BCORL1: variants seen among roughly 807,000 people sequenced by gnomAD.
BCORL1 encodes the protein BCL6 corepressor like 1.
BCORL1 carries 7 observed loss-of-function variants against 87.6 expected under a neutral mutation model. That is an observed-to-expected ratio of 0.08 (90% CI 0.05 to 0.15). BCORL1 has a LOEUF of 0.15. Among genes scored for constraint, BCORL1 ranks in the 10% least tolerant of loss-of-function variants. The pLI is 1.00. For synonymous variants in BCORL1, 591 were observed against 634.4 expected (o/e 0.93, Z 1.03); for missense variants, 1,215 against 1,499.7 (o/e 0.81, Z 3.13).
chrX:130,033,702 G>T (rs1318366090), intron 8 of BCORL1, among the ~76,000 whole-genome samples: 4 of 112,130 alleles, frequency 3.6e-5, no homozygotes, highest in African/African-American at 6.5e-5. Context: ...AAGATAGCCG[G>T]CCGGGCATGG....
intron 1 of BCORL1, among the ~76,000 whole-genome samples, chrX:129,990,295 T>G (rs757079106): frequency 1.9e-4 from 21 of 110,683 alleles, no homozygotes; most frequent in Non-Finnish European, 2.8e-4. Context: ...GCAGTGGCGC[T>G]ATCTCGGCTC....
intron 2 of BCORL1, among the ~76,000 whole-genome samples, chrX:130,012,137 A>G (rs1488965213): frequency 8.9e-6 from 1 of 112,012 alleles, no homozygotes; most frequent in African/African-American, 3.2e-5. Flanking sequence ...AGCTGCCCTT[A>G]GAGACTTAAA....
At chrX:130,050,174 G>A (rs943747289) in intron 11 of BCORL1, among the ~76,000 whole-genome samples, 9 of 111,163 alleles carry the variant, frequency 8.1e-5, no homozygotes, top group Non-Finnish European at 1.7e-4. Context: ...GCTTATGCCT[G>A]TAATCCCAGC....
Position 130,016,064 on chromosome X carries a change from G to A in BCORL1, c.3292G>A (p.Val1098Ile). 2 of 1,211,724 alleles carry A rather than the reference G, an allele frequency of 1.7e-6. No individual in the cohort carries two copies. Among genetic ancestry groups the A allele is most frequent in the Middle Eastern group, 2.3e-4 (1 of 4,354 alleles). Residue 1098 changes from valine to isoleucine, a missense_variant, in exon 4 of 14, where the codon GTC becomes ATC. Around this residue, in one of 5 missense-constraint regions of BCORL1, gnomAD observed 861 missense variants for 1,010.0 expected, o/e 0.85. Transcript: ENST00000540052. The stretch of plus-strand genomic sequence containing the variant: ...TCGAGTGAAACAGGAAAGCGTAGGG[G>A]TCTTTGCTTGCAAGAACAAGTGGCA... ...QARVKQESVG[V>I]FACKNKWQPD...
At chrX:130,010,032 T>C (rs1156911827) in intron 2 of BCORL1, among the ~76,000 whole-genome samples, 1 of 112,049 alleles carries the variant, frequency 8.9e-6, no homozygotes, top group Non-Finnish European at 1.9e-5. Flanking sequence ...CCTTCGGGGC[T>C]GGACTCAGGT....
intron 4 of BCORL1, 53 bp downstream of exon 4, chrX:130,016,266 C>T: frequency 1.2e-5 from 14 of 1,133,973 alleles, no homozygotes; most frequent in East Asian, 3.3e-5. Flanking sequence ...TGGTCTACTT[C>T]GTGCCATGGA....
Position 130,039,811 on chromosome X carries a change from C to T in BCORL1, c.4840+529C>T, listed in dbSNP as rs773962842. 9.7e-5 allele frequency among the ~76,000 whole-genome samples: 11 copies of T among 113,201 alleles called. No individual in the cohort carries two copies. In the South Asian group the frequency reaches 3.9e-3, roughly 40 times the overall value. ...CCTCTGCATCCCAGGGTCCCCCTTC[C>T]TTCCGTTCCTTTTCCTCCCTCACCT... is the stretch of plus-strand genomic sequence containing the variant. On this transcript the variant is annotated intron_variant, in intron 11 of 13. Coordinates refer to ENST00000540052, the MANE Select transcript of BCORL1 (RefSeq NM_001379451.1).
chrX:130,002,129 C>T (rs770638179), intron 1 of BCORL1, among the ~76,000 whole-genome samples: 2 of 109,124 alleles, frequency 1.8e-5, no homozygotes, highest in South Asian at 8.0e-4. Flanking sequence ...ACGGTAGTGC[C>T]GTTAAGTAAG....
rs1022717429 is a variant in BCORL1, at chrX:130,034,750, C to T, written c.4527+74C>T. The T allele has an allele frequency of 4.3e-5, 33 of 776,215 alleles. No homozygotes were observed. In the African/African-American group the frequency reaches 6.3e-4, roughly 15 times the overall value. 64.0% of individuals were successfully genotyped at this position (776,215 alleles called of 1,213,427 possible). On this transcript the variant is annotated intron_variant, in intron 9 of 13. Coordinates refer to ENST00000540052, the MANE Select transcript of BCORL1 (RefSeq NM_001379451.1). ...ATGAAGAAGCTTTTCTCCATGGGCTCTTCTGGTGCTTGAACCCAGGCTGGC... is the reference window on the plus strand; with the variant it reads ...ATGAAGAAGCTTTTCTCCATGGGCTTTTCTGGTGCTTGAACCCAGGCTGGC...
At chrX:130,008,944 CAACA>C (rs1482453503) in intron 2 of BCORL1, among the ~76,000 whole-genome samples, 1 of 111,984 alleles carries the variant, frequency 8.9e-6, no homozygotes, top group East Asian at 2.8e-4. Context: ...TGCCTTCATT[CAACA>C]AACATTTATT....
Position 130,050,755 on chromosome X carries a change from C to G in BCORL1, c.4879C>G (p.Pro1627Ala). The change falls in exon 12 of 14, where the codon CCC (proline) becomes GCC (alanine). Residue 1627 changes from proline (P) to alanine (A), a missense_variant. This residue lies in a region of BCORL1 where 129 missense variants were observed against 157.5 expected (regional missense o/e 0.82). Coordinates refer to ENST00000540052, the MANE Select transcript of BCORL1 (RefSeq NM_001379451.1). ...SDLQGRAEGD[P>A]GVSWDFYSSS... Reference sequence around the variant, plus strand: ...TCTTCAGGGCCGGGCAGAGGGTGATCCCGGTGTATCCTGGGATTTTTACAG... The same window carrying G: ...TCTTCAGGGCCGGGCAGAGGGTGATGCCGGTGTATCCTGGGATTTTTACAG... The G allele has an allele frequency of 8.3e-7, 1 of 1,211,128 alleles. No homozygotes were observed. Among genetic ancestry groups the G allele is most frequent in the East Asian group, 3.0e-5 (1 of 33,822 alleles).
chrX:130,013,913 G>A lies in BCORL1; in HGVS notation c.1141G>A (p.Val381Met). 2 of 1,169,208 alleles carry A rather than the reference G, an allele frequency of 1.7e-6. No homozygotes were observed. The highest frequency in any genetic ancestry group is 3.2e-5 in the East Asian group (1 of 31,140). ...TLIPAFAPTP[V>M]PAPTPAPIFT... ...CATCCCCGCCTTTGCTCCTACACCG[G>A]TGCCTGCACCCACCCCAGCCCCCAT... Residue 381 changes from valine to methionine, a missense_variant, in exon 4 of 14, where the codon GTG becomes ATG. Val to Met is a conservative substitution (Grantham distance 21, BLOSUM62 1). Around this residue, in one of 5 missense-constraint regions of BCORL1, gnomAD observed 861 missense variants for 1,010.0 expected, o/e 0.85. Transcript: ENST00000540052.
At chrX:130,020,950 A>T (rs1929752368) in intron 4 of BCORL1, 35 bp from the exon 5 acceptor site, 2 of 1,125,857 alleles carry the variant, frequency 1.8e-6, no homozygotes, top group African/African-American at 3.8e-5. Context: ...AAGAAGCAAA[A>T]CTGACCTCAG....
chrX:130,013,162 C>G lies in BCORL1; in HGVS notation c.390C>G (p.Ala130=), dbSNP rs749788362. The G allele has an allele frequency of 8.3e-7, 1 of 1,211,805 alleles. No individual in the cohort carries two copies. The highest frequency in any genetic ancestry group is 1.1e-6 in the Non-Finnish European group (1 of 895,355). The part of the protein sequence containing the change: ...DGLKLPASDS[A]EASNSRADCS... ...TCAAGCTTCCCGCATCTGACAGCGCCGAGGCCAGCAACAGCAGGGCCGACT... is the reference window on the plus strand; with the variant it reads ...TCAAGCTTCCCGCATCTGACAGCGCGGAGGCCAGCAACAGCAGGGCCGACT... Residue 130 remains alanine, a synonymous_variant, in exon 4 of 14, where the codon GCC becomes GCG. Transcript: ENST00000540052.
At position 130,039,279 on chromosome X, in the gene BCORL1, A is replaced by G; in HGVS notation, c.4837A>G (p.Ser1613Gly). 8.3e-7 allele frequency: 1 copy of G among 1,208,854 alleles called. No individual in the cohort carries two copies. Among genetic ancestry groups the G allele is most frequent in the Non-Finnish European group, 1.1e-6 (1 of 895,348 alleles). The change falls in exon 11 of 14, where the codon AGT becomes GGT. Residue 1613 changes from serine (S) to glycine (G), a missense_variant. Around this residue, in one of 5 missense-constraint regions of BCORL1, gnomAD observed 129 missense variants for 157.5 expected, o/e 0.82. Coordinates refer to ENST00000540052, the MANE Select transcript of BCORL1 (RefSeq NM_001379451.1). ...CAGCGACACCATGAAGCGCTTTCTCAGTGGTAAGCATGGTCCAGACTTGAC... is the reference window on the plus strand; with the variant it reads ...CAGCGACACCATGAAGCGCTTTCTCGGTGGTAAGCATGGTCCAGACTTGAC... ...ASSDTMKRFL[S>G]DHLSDLQGRA...
rs1323379956 is a variant in BCORL1 at position 130,015,046 on chromosome X, G to A, written c.2274G>A (p.Glu758=). 1.6e-5 allele frequency: 19 copies of A among 1,212,137 alleles called. No individual in the cohort carries two copies. Among genetic ancestry groups the A allele is most frequent in the African/African-American group, 6.9e-5 (4 of 57,918 alleles). ...QEPISIIDQG[E]PKGTGATCGK... ...CCATCTCCATCATTGATCAAGGAGA[G>A]CCTAAGGGCACTGGTGCCACGTGTG... is the stretch of plus-strand genomic sequence containing the variant. Residue 758 remains glutamate, a synonymous_variant, in exon 4 of 14, where the codon GAG becomes GAA. Transcript: ENST00000540052.
chrX:130,016,215 T>C lies in BCORL1; in HGVS notation c.3441+2T>C. The C allele has an allele frequency of 8.4e-7, 1 of 1,191,792 alleles. No homozygotes were observed. Among genetic ancestry groups the C allele is most frequent in the Non-Finnish European group, 1.1e-6 (1 of 885,221 alleles). The stretch of plus-strand genomic sequence containing the variant: ...GTCCGGAGTTCCCACAGACCCAAGG[T>C]GAGTGCTGAGCTAAGGTCCAGGGTG... On this transcript the variant is annotated splice_donor_variant, in intron 4 of 13. Transcript: ENST00000540052. LOFTEE classifies it high-confidence loss of function.
At chrX:129,994,948 G>A (rs919487918) in intron 1 of BCORL1, among the ~76,000 whole-genome samples, 2 of 111,407 alleles carry the variant, frequency 1.8e-5, no homozygotes, top group South Asian at 7.4e-4. Context: ...CAGTAGTAGA[G>A]GAACCAACTT....
At chrX:130,043,894 G>T (rs767414324) in intron 11 of BCORL1, among the ~76,000 whole-genome samples, 1 of 89,531 alleles carries the variant, frequency 1.1e-5, no homozygotes, top group Non-Finnish European at 2.2e-5. Context: ...CTCAGCCTCC[G>T]GAGTAGCTGG....
Sources: allele counts gnomAD v4.1 joint callset (sites outside exome capture counted in the v4.1 genomes callset), GRCh38; gene constraint gnomAD v4.1.1; regional missense constraint gnomAD v4.1.1; transcripts MANE v1.5; gene names NCBI Gene and HGNC (gene_info 2026-07-23, HGNC 2026-07-21).